The following SH2D4B variants were observed in gnomAD, a reference collection of about 807,000 sequenced individuals.
SH2D4B encodes SH2 domain-containing protein 4B.
SH2D4B carries 45 observed loss-of-function variants against 61.5 expected under a neutral mutation model. The observed-to-expected ratio is 0.73, with a 90% confidence interval of 0.58 to 0.94. The LOEUF (loss-of-function observed/expected upper bound fraction) is 0.94, where lower values mean the gene tolerates loss of function less well. SH2D4B is among the 40% of genes least tolerant of loss of function. SH2D4B has a pLI of 0.00. For missense variants in SH2D4B, 572 were observed against 574.2 expected (o/e 1.00, Z 0.04); for synonymous variants, 224 against 220.4 (o/e 1.02, Z -0.14).
chr10:80,641,479 A>T (rs1238502294), intron 7 of SH2D4B, among the ~76,000 whole-genome samples: 1 of 152,182 alleles, frequency 6.6e-6, no homozygotes, highest in East Asian at 1.9e-4. Flanking sequence ...CACTTTGTTT[A>T]CCTACTCAAG....
At chr10:80,552,499 C>A (rs1667167029) in intron 1 of SH2D4B, among the ~76,000 whole-genome samples, 1 of 152,166 alleles carries the variant, frequency 6.6e-6, no homozygotes, top group Non-Finnish European at 1.5e-5. Context: ...CCTGCTTCCC[C>A]ATCTCTGCAC....
intron 5 of SH2D4B, among the ~76,000 whole-genome samples, chr10:80,606,150 C>G (rs938529430): frequency 1.3e-5 from 2 of 152,142 alleles, no homozygotes; most frequent in African/African-American, 4.8e-5. Context: ...TGTCAGCACA[C>G]CTCATCTGTT....
intron 7 of SH2D4B, among the ~76,000 whole-genome samples, chr10:80,643,672 C>T (rs1437669905): frequency 6.6e-6 from 1 of 152,034 alleles, no homozygotes; most frequent in African/African-American, 2.4e-5. Context: ...CTACTGGAGT[C>T]CCTCAACTCT....
chr10:80,565,409 A>G (rs1841953190), intron 1 of SH2D4B, among the ~76,000 whole-genome samples: 1 of 150,654 alleles, frequency 6.6e-6, no homozygotes, highest in Non-Finnish European at 1.5e-5. Context: ...TTTCTTTTAA[A>G]GAGACATGTT....
intron 1 of SH2D4B, among the ~76,000 whole-genome samples, chr10:80,565,874 A>G (rs1451647003): frequency 5.3e-5 from 8 of 151,884 alleles, no homozygotes; most frequent in Non-Finnish European, 1.5e-5. Context: ...GCGGATCACG[A>G]GGTCAGGAGA....
chr10:80,634,353 G>C lies in SH2D4B; in HGVS notation c.1057G>C (p.Val353Leu). The C allele has an allele frequency of 4.5e-6, 7 of 1,550,432 alleles. No individual in the cohort carries two copies. Among genetic ancestry groups the C allele is most frequent in the Non-Finnish European group, 4.4e-6 (5 of 1,146,832 alleles). The change falls in exon 7 of 8, where the codon GTC becomes CTC. Residue 353 changes from valine to leucine, a missense_variant. Coordinates refer to ENST00000646907, the MANE Select transcript of SH2D4B (RefSeq NM_001388272.1). ...NMTEGAFLVRVSEKIWGYTLS... is the reference protein window; with the variant it reads ...NMTEGAFLVRLSEKIWGYTLS... ...GACTGAGGGAGCATTCCTGGTCCGG[G>C]TCAGTGAGAAAATCTGGGGTTACAC...
chr10:80,538,618 G>C lies in SH2D4B; in HGVS notation c.184+103G>C. ...CCTTCTTCAAGATGGGCACTGGGGTGATGAGGGCTGGGGGCTTGAAACCCT... is the reference window on the plus strand; with the variant it reads ...CCTTCTTCAAGATGGGCACTGGGGTCATGAGGGCTGGGGGCTTGAAACCCT... On this transcript the variant is annotated intron_variant, in intron 1 of 7. Coordinates refer to ENST00000646907, the MANE Select transcript of SH2D4B (RefSeq NM_001388272.1). The surrounding 1 kb of genome is among the most constrained non-coding windows in gnomAD (Gnocchi z 4.8). The C allele has an allele frequency of 1.0e-6, 1 of 1,004,370 alleles. No individual in the cohort carries two copies. Among genetic ancestry groups the C allele is most frequent in the Non-Finnish European group, 1.3e-6 (1 of 754,134 alleles). 62.2% of individuals were successfully genotyped at this position (1,004,370 alleles called of 1,614,324 possible). A position where few individuals can be genotyped will look rare whatever the true frequency, so the allele number is the denominator to read the frequency against.
Position 80,644,151 on chromosome 10 carries a change from A to T in SH2D4B, c.*66A>T, listed in dbSNP as rs535069591. 1.0e-4 allele frequency: 130 copies of T among 1,297,794 alleles called. No homozygotes were observed. The highest frequency in any genetic ancestry group is 1.4e-4 in the Non-Finnish European group (126 of 902,918). The allele number at this position is 1,297,794 out of a possible 1,614,324, so 80.4% of individuals were successfully genotyped here. A position where few individuals can be genotyped will look rare whatever the true frequency, so the allele number is the denominator to read the frequency against. On this transcript the variant is annotated 3_prime_UTR_variant, in exon 8 of 8. Transcript: ENST00000646907. Reference sequence around the variant, plus strand: ...TTTGAACTCAGCTTAAGAACTTCTCATCTCAAATCCTATGGCCTTCTGGAA... The same window carrying T: ...TTTGAACTCAGCTTAAGAACTTCTCTTCTCAAATCCTATGGCCTTCTGGAA...
intron 6 of SH2D4B, among the ~76,000 whole-genome samples, chr10:80,626,313 A>G (rs1458865351): frequency 1.3e-5 from 2 of 152,018 alleles, no homozygotes; most frequent in Non-Finnish European, 2.9e-5. Flanking sequence ...CTTTTATTCC[A>G]TTGTTCTCTG....
At chr10:80,569,821 T>C (rs1338035105) in intron 1 of SH2D4B, among the ~76,000 whole-genome samples, 1 of 152,142 alleles carries the variant, frequency 6.6e-6, no homozygotes, top group Non-Finnish European at 1.5e-5. Flanking sequence ...CTAAAAGATA[T>C]CACTGCAGGG....
intron 4 of SH2D4B, among the ~76,000 whole-genome samples, chr10:80,598,571 T>C (rs1156524000): frequency 1.3e-5 from 2 of 152,300 alleles, no homozygotes; most frequent in Non-Finnish European, 2.9e-5. Context: ...ATATGAAAGA[T>C]ATAGTGGGCC....
At chr10:80,542,922 T>C (rs941091355) in intron 1 of SH2D4B, among the ~76,000 whole-genome samples, 9 of 152,196 alleles carry the variant, frequency 5.9e-5, no homozygotes, top group African/African-American at 2.2e-4. Context: ...TGTCCTGCCC[T>C]CATTCCAGCC....
intron 1 of SH2D4B, among the ~76,000 whole-genome samples, chr10:80,558,184 C>A (rs2132110580): frequency 6.6e-6 from 1 of 151,710 alleles, no homozygotes; most frequent in South Asian, 2.1e-4. Flanking sequence ...AGATTTATTC[C>A]ACTGTGGTCA....
intron 3 of SH2D4B, among the ~76,000 whole-genome samples, chr10:80,579,002 A>C (rs565259336): frequency 6.6e-6 from 1 of 152,184 alleles, no homozygotes; most frequent in African/African-American, 2.4e-5. Context: ...CCATCCCACC[A>C]TGGGGAGCTG....
intron 1 of SH2D4B, among the ~76,000 whole-genome samples, chr10:80,567,866 A>T (rs1423795100): frequency 6.6e-6 from 1 of 152,230 alleles, no homozygotes; most frequent in African/African-American, 2.4e-5. Flanking sequence ...TGGATGCCCA[A>T]GGGCCATTTA....
intron 3 of SH2D4B, among the ~76,000 whole-genome samples, chr10:80,574,163 G>A (rs561247182): frequency 6.6e-6 from 1 of 152,024 alleles, no homozygotes; most frequent in Non-Finnish European, 1.5e-5. Context: ...TTGAGATAGG[G>A]TCTCACTCTG....
rs149364529 is a variant in SH2D4B at position 80,579,128 on chromosome 10, G to T, written c.495+7550G>T. Among the ~76,000 whole-genome samples, 953 of 152,240 alleles carry T rather than the reference G, an allele frequency of 6.3e-3. 9 individuals carry two copies. The highest frequency in any genetic ancestry group is 0.014 in the Middle Eastern group (4 of 294). On this transcript the variant is annotated intron_variant, in intron 3 of 7. Transcript: ENST00000646907. Reference sequence around the variant, plus strand: ...GGCTGGAGGAGAGGTGAGAGCTTGGGTGAAAAGCCTGGTGATGGAGAGAGA... The same window carrying T: ...GGCTGGAGGAGAGGTGAGAGCTTGGTTGAAAAGCCTGGTGATGGAGAGAGA...
chr10:80,630,544 G>A (rs1191895190), intron 6 of SH2D4B, among the ~76,000 whole-genome samples: 1 of 152,214 alleles, frequency 6.6e-6, no homozygotes, highest in Non-Finnish European at 1.5e-5. Flanking sequence ...TGAACTGGGG[G>A]ACCTGAGGGG....
intron 1 of SH2D4B, among the ~76,000 whole-genome samples, chr10:80,546,882 A>T (rs1034236109): frequency 1.3e-5 from 2 of 152,218 alleles, no homozygotes; most frequent in African/African-American, 4.8e-5. Flanking sequence ...AATTATCTTT[A>T]TCAGGAATGA....
Sources: allele counts gnomAD v4.1 joint callset (sites outside exome capture counted in the v4.1 genomes callset), GRCh38; gene constraint gnomAD v4.1.1; non-coding constraint Gnocchi (gnomAD v3.1); transcripts MANE v1.5; gene names NCBI Gene and HGNC (gene_info 2026-07-23, HGNC 2026-07-21).